ZNF813: variants seen among roughly 807,000 people sequenced by gnomAD.
ZNF813 encodes zinc finger protein 813.
ZNF813 carries 3 observed loss-of-function variants against 7.2 expected under a neutral mutation model. The ratio of observed to expected loss-of-function variants is 0.42; its 90% CI spans 0.19 to 1.08. The LOEUF (loss-of-function observed/expected upper bound fraction) is 1.08, where lower values mean the gene tolerates loss of function less well. ZNF813 is among the 50% of genes least tolerant of loss of function. ZNF813 has a pLI of 0.30. For missense variants in ZNF813, 714 were observed against 753.3 expected, an observed-to-expected ratio of 0.95 and a Z score of 0.61; for synonymous variants, 227 against 256.3, an observed-to-expected ratio of 0.89 and a Z score of 1.09.
chr19:53,469,934 G>C (rs1160351369), intron 1 of ZNF813, among the ~76,000 whole-genome samples: 1 of 151,492 alleles, frequency 6.6e-6, no homozygotes, highest in Non-Finnish European at 1.5e-5. Context: ...GTACGCACCG[G>C]CTCAGTGGAT....
chr19:53,484,086 G>A (rs1331891488), intron 2 of ZNF813, among the ~76,000 whole-genome samples: 5 of 152,036 alleles, frequency 3.3e-5, no homozygotes, highest in African/African-American at 9.7e-5. Context: ...GGATGGAGAC[G>A]GGGTGAGGGT....
chr19:53,483,350 G>A (rs1480182734), intron 1 of ZNF813, among the ~76,000 whole-genome samples: 1 of 151,986 alleles, frequency 6.6e-6, no homozygotes, highest in African/African-American at 2.4e-5. Context: ...AACCATGCCT[G>A]GCTAAGTTTT....
chr19:53,468,914 TC>T (rs2086342197), intron 1 of ZNF813, among the ~76,000 whole-genome samples: 1 of 147,618 alleles, frequency 6.8e-6, no homozygotes, highest in African/African-American at 2.5e-5. Flanking sequence ...TTTACGGGTG[TC>T]CGGCTGGGGG....
chr19:53,490,297 T>TTG (rs35938241), intron 3 of ZNF813, 78 bp from the exon 4 acceptor site: 1,083,461 of 1,470,550 alleles, frequency 0.74, 401,705 homozygotes, highest in African/African-American at 0.91. Context: ...TGAGTATTTT[T>TTG]TGTGTCACAT....
intron 3 of ZNF813, among the ~76,000 whole-genome samples, chr19:53,489,933 T>C (rs2086451031): frequency 6.6e-6 from 1 of 152,220 alleles, no homozygotes; most frequent in South Asian, 2.1e-4. Flanking sequence ...CCATTGATTT[T>C]GGTTATCCTT....
rs534749021 is a variant in ZNF813 at position 53,492,334 on chromosome 19, G to A, written c.*248G>A. ...GACAAAGTTTACAGTGGCAAATCGA[G>A]CCTCAAAAGACAGGAGAATTCATAC... On this transcript the variant is annotated 3_prime_UTR_variant, in exon 4 of 4. Transcript: ENST00000396403. 56 of 631,348 alleles carry A rather than the reference G, an allele frequency of 8.9e-5. No homozygotes were observed. The highest frequency in any genetic ancestry group is 1.4e-4 in the Non-Finnish European group (52 of 363,262). 39.1% of individuals were successfully genotyped at this position (631,348 alleles called of 1,614,324 possible). A position where few individuals can be genotyped will look rare whatever the true frequency, so the allele number is the denominator to read the frequency against.
chr19:53,485,581 A>G (rs1159276255), intron 2 of ZNF813, among the ~76,000 whole-genome samples: 2 of 108,176 alleles, frequency 1.8e-5, no homozygotes, highest in Non-Finnish European at 4.2e-5. Context: ...CATGTATGTC[A>G]TGACATATGT....
rs775128591 is a variant in ZNF813, at chr19:53,493,554, T to C, written c.*1468T>C. The C allele has an allele frequency of 6.6e-6, 1 of 152,496 alleles. No individual in the cohort carries two copies. The highest frequency in any genetic ancestry group is 1.5e-5 in the Non-Finnish European group (1 of 68,062). The allele number at this position is 152,496 out of a possible 1,614,324, so 9.4% of individuals were successfully genotyped here. Reference sequence around the variant, plus strand: ...CCTAAGTATTTCTTACTTTAAGTTCTCTAGCAAATGGAAGTGTTTTTAAAT... The same window carrying C: ...CCTAAGTATTTCTTACTTTAAGTTCCCTAGCAAATGGAAGTGTTTTTAAAT... On this transcript the variant is annotated 3_prime_UTR_variant, in exon 4 of 4. Coordinates refer to ENST00000396403, the MANE Select transcript of ZNF813 (RefSeq NM_001004301.4).
At chr19:53,471,768 C>T (rs2617696) in intron 1 of ZNF813, among the ~76,000 whole-genome samples, 29,613 of 143,024 alleles carry the variant, frequency 0.21, 3,084 homozygotes, top group Admixed American at 0.23. Flanking sequence ...GCCGAGATCA[C>T]GCCACTGCAC....
chr19:53,471,809 C>CAAAA (rs57761931), intron 1 of ZNF813, among the ~76,000 whole-genome samples: 25,782 of 120,534 alleles, frequency 0.21, 2,904 homozygotes, highest in East Asian at 0.27. Flanking sequence ...GAGACTGTCT[C>CAAAA]AAAAAAAAAA....
chr19:53,476,852 C>T (rs993279975), intron 1 of ZNF813, among the ~76,000 whole-genome samples: 9 of 152,012 alleles, frequency 5.9e-5, no homozygotes, highest in African/African-American at 7.2e-5. Flanking sequence ...TAAGTAGAGA[C>T]GGGGTTTCAC....
chr19:53,485,050 T>C (rs577330052), intron 2 of ZNF813, among the ~76,000 whole-genome samples: 2 of 152,300 alleles, frequency 1.3e-5, no homozygotes, highest in South Asian at 4.1e-4. Context: ...CAGTTCGGTG[T>C]CAGGTGTCAG....
rs761764634 is a variant in ZNF813 at position 53,490,520 on chromosome 19, C to A, written c.288C>A (p.Asn96Lys). 1 of 1,614,110 alleles carries A rather than the reference C, an allele frequency of 6.2e-7. No individual in the cohort carries two copies. ...RFQEIDKDIH[N>K]LEFQWQEDER... The stretch of plus-strand genomic sequence containing the variant: ...AGGAAATTGATAAAGATATTCATAA[C>A]TTAGAGTTTCAGTGGCAAGAAGATG... Residue 96 changes from asparagine to lysine, a missense_variant, in exon 4 of 4, where the codon AAC becomes AAA. By Grantham distance (94) the Asn-to-Lys change is moderately conservative. This residue lies in a region of ZNF813 where 563 missense variants were observed against 554.2 expected (regional missense o/e 1.02). Transcript: ENST00000396403.
In ZNF813 at chr19:53,479,796, A is replaced by T. The variant is rs151091802; in HGVS notation, c.-73-3954A>T. On this transcript the variant is annotated intron_variant, in intron 1 of 3. Transcript: ENST00000396403. ...ACAGAAGAATGAGCTGAGCTGGCAG[A>T]GTCCCGTTGCTGAGAGATGGATGAG... 2,067 of 1,183,258 alleles carry T rather than the reference A, an allele frequency of 1.7e-3. 23 individuals are homozygous for T. In the African/African-American group the frequency reaches 0.027, roughly 15 times the overall value. The allele number at this position is 1,183,258 out of a possible 1,614,324, so 73.3% of individuals were successfully genotyped here. A position where few individuals can be genotyped will look rare whatever the true frequency, so the allele number is the denominator to read the frequency against.
chr19:53,490,487 T>C lies in ZNF813; in HGVS notation c.255T>C (p.Phe85=). 6.2e-7 allele frequency: 1 copy of C among 1,614,164 alleles called. No homozygotes were observed. ...QRHESHHTGD[F]RFQEIDKDIH... Reference sequence around the variant, plus strand: ...ATGAAAGTCATCACACTGGAGACTTTCGCTTTCAGGAAATTGATAAAGATA... The same window carrying C: ...ATGAAAGTCATCACACTGGAGACTTCCGCTTTCAGGAAATTGATAAAGATA... Residue 85 remains phenylalanine (F), a synonymous_variant, in exon 4 of 4, where the codon TTT becomes TTC. Transcript: ENST00000396403.
chr19:53,471,093 T>C (rs898412399), intron 1 of ZNF813, among the ~76,000 whole-genome samples: 3 of 152,208 alleles, frequency 2.0e-5, no homozygotes, highest in African/African-American at 7.2e-5. Flanking sequence ...TTATGTCTTT[T>C]CTTATGTCTA....
At chr19:53,470,136 G>C (rs1382485080) in intron 1 of ZNF813, among the ~76,000 whole-genome samples, 1 of 128,892 alleles carries the variant, frequency 7.8e-6, no homozygotes, top group Non-Finnish European at 1.7e-5. Context: ...AAATACATTT[G>C]TTTTCTTTCT....
At chr19:53,469,611 A>G (rs371177995) in intron 1 of ZNF813, among the ~76,000 whole-genome samples, 42 of 152,132 alleles carry the variant, frequency 2.8e-4, no homozygotes, top group African/African-American at 6.5e-4. Flanking sequence ...GAGAAAAGCT[A>G]GATGTACAGA....
At chr19:53,490,014 G>A (rs1488216273) in intron 3 of ZNF813, among the ~76,000 whole-genome samples, 1 of 152,126 alleles carries the variant, frequency 6.6e-6, no homozygotes, top group Non-Finnish European at 1.5e-5. Context: ...TTTGTATACA[G>A]CAAATATGCT....
Sources: allele counts gnomAD v4.1 joint callset (sites outside exome capture counted in the v4.1 genomes callset), GRCh38; gene constraint gnomAD v4.1.1; regional missense constraint gnomAD v4.1.1; transcripts MANE v1.5; gene names NCBI Gene and HGNC (gene_info 2026-07-23, HGNC 2026-07-21).